The following MAP2K5 variants were observed in gnomAD, a reference collection of about 807,000 sequenced individuals.
MAP2K5 encodes mitogen-activated protein kinase kinase 5, also known as dual specificity mitogen-activated protein kinase kinase 5.
MAP2K5 carries 49 observed loss-of-function variants against 83.1 expected under a neutral mutation model. The observed-to-expected ratio is 0.59, with a 90% CI of 0.47 to 0.75. The LOEUF (loss-of-function observed/expected upper bound fraction) is 0.75. Ranked by LOEUF, MAP2K5 falls within the 30% of genes least tolerant of loss-of-function variation. The pLI is 0.00. For synonymous variants in MAP2K5, 202 were observed against 191.8 expected, an observed-to-expected ratio of 1.05 and a Z score of -0.44; for missense variants, 457 against 557.5, an observed-to-expected ratio of 0.82 and a Z score of 1.82.
chr15:67,666,727 A>T (rs1008905722), intron 13 of MAP2K5, among the ~76,000 whole-genome samples: 1 of 152,154 alleles, frequency 6.6e-6, no homozygotes, highest in Non-Finnish European at 1.5e-5. Flanking sequence ...GGCCAGCCCA[A>T]TTCCTACAGA....
intron 8 of MAP2K5, chr15:67,628,629 C>T (rs1343185919): frequency 3.9e-5 from 45 of 1,163,116 alleles, no homozygotes; most frequent in South Asian, 2.1e-4. Context: ...TAACCTTTGA[C>T]GACCATGACT....
chr15:67,694,812 A>G (rs940184856), intron 15 of MAP2K5, among the ~76,000 whole-genome samples: 7 of 152,116 alleles, frequency 4.6e-5, no homozygotes, highest in Non-Finnish European at 8.8e-5. Flanking sequence ...ATGCACACGT[A>G]TGTTTATTGT....
chr15:67,609,499 ATTCTGT>A (rs2141041529), intron 8 of MAP2K5, among the ~76,000 whole-genome samples: 13 of 123,862 alleles, frequency 1.0e-4, no homozygotes, highest in African/African-American at 2.6e-4. Context: ...AGGTCTATAG[ATTCTGT>A]AGACCTATTC....
intron 21 of MAP2K5, among the ~76,000 whole-genome samples, chr15:67,792,251 C>T (rs2090530519): frequency 6.6e-6 from 1 of 152,146 alleles, no homozygotes; most frequent in African/African-American, 2.4e-5. Context: ...TAGGCAAAGT[C>T]CCCTTAATTG....
rs1296343276 is a variant in MAP2K5, at chr15:67,696,056, A to G, written c.972+2488A>G. The stretch of plus-strand genomic sequence containing the variant: ...GGGTGGGGGGAGGTGGAAATAACCT[A>G]TATTATTATAGTACAGGTATGAATC... On this transcript the variant is annotated intron_variant, in intron 15 of 21. Transcript: ENST00000178640. Among the ~76,000 whole-genome samples, 6 of 150,966 alleles carry G rather than the reference A, an allele frequency of 4.0e-5. No individual in the cohort carries two copies. In the East Asian group the frequency reaches 1.2e-3, roughly 29 times the overall value.
intron 8 of MAP2K5, among the ~76,000 whole-genome samples, chr15:67,623,092 A>C (rs904928537): frequency 1.3e-5 from 2 of 152,076 alleles, no homozygotes; most frequent in African/African-American, 4.8e-5. Context: ...ACAGAGCGAG[A>C]CTCCGTCTCA....
rs2090706962 is a variant in MAP2K5, at chr15:67,801,533, A to T, written c.1243-5113A>T. On this transcript the variant is annotated intron_variant, in intron 21 of 21. Coordinates refer to ENST00000178640, the MANE Select transcript of MAP2K5 (RefSeq NM_145160.3). This position sits in a 1 kb window ranked among gnomAD's most constrained non-coding sequence, Gnocchi z 4.8. ...GGAGCCATCTCCCCAGAGAGACACC[A>T]CCAGTAGGCAGGCAGTGTGGTGTCT... 6.6e-6 allele frequency among the ~76,000 whole-genome samples: 1 copy of T among 152,176 alleles called. No individual in the cohort carries two copies. Among genetic ancestry groups the T allele is most frequent in the South Asian group, 2.1e-4 (1 of 4,832 alleles).
intron 19 of MAP2K5, among the ~76,000 whole-genome samples, chr15:67,752,258 G>T (rs899044122): frequency 6.6e-6 from 1 of 151,610 alleles, no homozygotes; most frequent in Admixed American, 6.6e-5. Flanking sequence ...GTAGAGACAG[G>T]GTTTCACCAT....
rs2086652565 is a variant in MAP2K5 at position 67,638,661 on chromosome 15, A to G, written c.586-7570A>G. ...AGGAATCACTGCACTGTCTTCCACA[A>G]TGGTTGAACTAATTTACACTCCTTC... is the stretch of plus-strand genomic sequence containing the variant. On this transcript the variant is annotated intron_variant, in intron 9 of 21. Transcript: ENST00000178640. This position sits in a 1 kb window ranked among gnomAD's most constrained non-coding sequence, Gnocchi z 4.5. 6.6e-6 allele frequency among the ~76,000 whole-genome samples: 1 copy of G among 152,194 alleles called. No individual in the cohort carries two copies. The highest frequency in any genetic ancestry group is 1.5e-5 in the Non-Finnish European group (1 of 68,032).
rs182760752 is a variant in MAP2K5 at position 67,702,963 on chromosome 15, T to A, written c.973-374T>A. On this transcript the variant is annotated intron_variant, in intron 15 of 21. Transcript: ENST00000178640. The surrounding 1 kb of genome is among the most constrained non-coding windows in gnomAD (Gnocchi z 4.6). ...CATATAATGTTGTGTAATTTGTTACTCCACAACAAAGACCACTGGATTTGG... is the reference window on the plus strand; with the variant it reads ...CATATAATGTTGTGTAATTTGTTACACCACAACAAAGACCACTGGATTTGG... Among the ~76,000 whole-genome samples the A allele has an allele frequency of 1.5e-3, 226 of 152,340 alleles. No individual in the cohort carries two copies. The highest frequency in any genetic ancestry group is 5.1e-3 in the African/African-American group (211 of 41,582).
intron 13 of MAP2K5, among the ~76,000 whole-genome samples, chr15:67,671,847 G>A (rs2087547898): frequency 8.0e-6 from 1 of 124,512 alleles, no homozygotes; most frequent in South Asian, 2.6e-4. Flanking sequence ...AGAGTGTGAT[G>A]TTCCCCTTCC....
At chr15:67,795,576 G>A (rs2090590965) in intron 21 of MAP2K5, among the ~76,000 whole-genome samples, 1 of 152,204 alleles carries the variant, frequency 6.6e-6, no homozygotes, top group African/African-American at 2.4e-5. Flanking sequence ...TGTGGTCAGA[G>A]AGCATGCTAT....
At position 67,577,214 on chromosome 15, in the gene MAP2K5, C is replaced by T. The variant is rs1355842013; in HGVS notation, c.253-3540C>T. On this transcript the variant is annotated intron_variant, in intron 3 of 21. Transcript: ENST00000178640. This position sits in a 1 kb window ranked among gnomAD's most constrained non-coding sequence, Gnocchi z 4.1. The stretch of plus-strand genomic sequence containing the variant: ...CCTCCCAAAGTGCTGGGATTACAGG[C>T]GTGAGCCACCGTGCCCGGCCAGTAA... 1.3e-5 allele frequency among the ~76,000 whole-genome samples: 2 copies of T among 152,082 alleles called. No homozygotes were observed. Among genetic ancestry groups the T allele is most frequent in the Admixed American group, 6.5e-5 (1 of 15,270 alleles).
intron 9 of MAP2K5, among the ~76,000 whole-genome samples, chr15:67,632,950 G>A (rs12905628): frequency 6.6e-6 from 1 of 152,102 alleles, no homozygotes. Context: ...GTACAACAGA[G>A]CTTCCTTTGA....
chr15:67,586,977 G>A, intron 6 of MAP2K5, 64 bp downstream of exon 6: 6 of 1,540,948 alleles, frequency 3.9e-6, no homozygotes, highest in Non-Finnish European at 4.5e-6. Context: ...GGTGGGGTGG[G>A]GAAGAAGCTA....
chr15:67,542,979 C>A lies in MAP2K5; in HGVS notation c.-357C>A, dbSNP rs939527454. The stretch of plus-strand genomic sequence containing the variant: ...TGGACACCTGCCGCTGTATCTCCCC[C>A]AAACCGAGTCCTTGCCCTGCTGCCT... On this transcript the variant is annotated 5_prime_UTR_variant, in exon 1 of 22. Transcript: ENST00000178640. The A allele has an allele frequency of 1.4e-5, 4 of 293,892 alleles. No homozygotes were observed. Among genetic ancestry groups the A allele is most frequent in the South Asian group, 8.1e-5 (2 of 24,822 alleles). 18.2% of individuals were successfully genotyped at this position (293,892 alleles called of 1,614,324 possible).
chr15:67,693,197 A>G (rs1441881700), intron 14 of MAP2K5, among the ~76,000 whole-genome samples: 2 of 152,226 alleles, frequency 1.3e-5, no homozygotes, highest in African/African-American at 4.8e-5. Flanking sequence ...CTAAAAATTG[A>G]GTGTGTTCAA....
At chr15:67,639,424 A>G (rs775277733) in intron 9 of MAP2K5, among the ~76,000 whole-genome samples, 10 of 152,182 alleles carry the variant, frequency 6.6e-5, no homozygotes, top group Admixed American at 4.6e-4. Flanking sequence ...TGTAACTCTT[A>G]CTGATTCCTG....
intron 13 of MAP2K5, among the ~76,000 whole-genome samples, chr15:67,672,658 T>G (rs1382503322): frequency 1.3e-5 from 2 of 148,660 alleles, no homozygotes; most frequent in Admixed American, 6.7e-5. Flanking sequence ...AGAAGCTCTT[T>G]AGTTTAATTA....
Sources: gnomAD v4.1 joint callset for allele counts (sites outside exome capture counted in the v4.1 genomes callset) on GRCh38, gnomAD v4.1.1 for gene constraint, Gnocchi (gnomAD v3.1) non-coding constraint, MANE v1.5 for transcripts, NCBI Gene and HGNC (gene_info 2026-07-23, HGNC 2026-07-21) for gene names.